The following NOTCH2NLB variants were observed in gnomAD, a reference collection of about 807,000 sequenced individuals.
NOTCH2NLB encodes notch homolog 2 N-terminal-like protein B.
NOTCH2NLB carries 1 observed loss-of-function variant against 14.8 expected under a neutral mutation model. That is an observed-to-expected ratio of 0.07 (90% confidence interval 0.02 to 0.32). The LOEUF (loss-of-function observed/expected upper bound fraction) is 0.32, where lower values mean the gene tolerates loss of function less well. Ranked by LOEUF, NOTCH2NLB falls within the 10% of genes least tolerant of loss-of-function variation. NOTCH2NLB has a pLI of 1.00. For missense variants in NOTCH2NLB, 11 were observed against 155.0 expected (o/e 0.07, Z 4.93); for synonymous variants, 6 against 57.5 (o/e 0.10, Z 4.05).
intron 2 of NOTCH2NLB, among the ~76,000 whole-genome samples, chr1:148,638,037 G>T (rs1176385546): frequency 6.7e-6 from 1 of 148,206 alleles, no homozygotes; most frequent in African/African-American, 2.5e-5. Context: ...ACTGTAAATA[G>T]TGCTGAAGTA....
chr1:148,685,480 CTAAGTA>C, the NOTCH2NLB span, among the ~76,000 whole-genome samples: 29 of 149,338 alleles, frequency 1.9e-4, no homozygotes, highest in African/African-American at 5.9e-4. Context: ...AAATGGTTAA[CTAAGTA>C]TGAGAGAGGG....
Position 148,636,893 on chromosome 1 carries a change from A to C in NOTCH2NLB, c.77+3123T>G, listed in dbSNP as rs1168681894. On this transcript the variant is annotated intron_variant, in intron 2 of 4. Coordinates refer to ENST00000593495, the Ensembl canonical transcript of NOTCH2NLB. ...TCTCTTTATACAAGTTTTGTTGTTCATCTTGATCTCCCAAAAGGATGGCCT... is the reference window on the plus strand; with the variant it reads ...TCTCTTTATACAAGTTTTGTTGTTCCTCTTGATCTCCCAAAAGGATGGCCT... 6.2e-5 allele frequency among the ~76,000 whole-genome samples: 9 copies of C among 145,488 alleles called. 2 individuals carry two copies. Among genetic ancestry groups the C allele is most frequent in the Non-Finnish European group, 1.4e-4 (9 of 66,456 alleles).
At chr1:148,658,536 C>G (rs1442678921) in intron 1 of NOTCH2NLB, among the ~76,000 whole-genome samples, 1 of 95,832 alleles carries the variant, frequency 1.0e-5, no homozygotes, top group African/African-American at 4.0e-5. Flanking sequence ...TGCAATTAGA[C>G]AGGCCCAATA....
chr1:148,679,625 C>T, exon 1 of NOTCH2NLB: 1 of 1,049,258 alleles, frequency 9.5e-7, no homozygotes, highest in African/African-American at 1.8e-5. Flanking sequence ...TCCTCCCCTC[C>T]TCCTGCTTCA....
At chr1:148,604,615 AGCAATGGAATGAAGG>A (rs1252904839), downstream of NOTCH2NLB, among the ~76,000 whole-genome samples, 5 of 126,514 alleles carry the variant, frequency 4.0e-5, no homozygotes, top group South Asian at 1.3e-3. Flanking sequence ...AAGCATGGGA[AGCAATGGAATGAAGG>A]GCAATGGAAG....
chr1:148,637,297 G>T (rs1427701220), intron 2 of NOTCH2NLB, among the ~76,000 whole-genome samples: 1 of 138,684 alleles, frequency 7.2e-6, no homozygotes, highest in Non-Finnish European at 1.6e-5. Flanking sequence ...CTCCAACCTT[G>T]GTTGGAGAGT....
the NOTCH2NLB span, among the ~76,000 whole-genome samples, chr1:148,693,092 C>G: frequency 4.6e-5 from 5 of 108,386 alleles, no homozygotes; most frequent in African/African-American, 2.4e-4. Flanking sequence ...AGAGCCGCCC[C>G]CCCCCCCCCA....
At chr1:148,659,286 T>C in intron 1 of NOTCH2NLB, among the ~76,000 whole-genome samples, 1 of 23,064 alleles carries the variant, frequency 4.3e-5, no homozygotes, top group African/African-American at 1.7e-4. Flanking sequence ...TAGGTACATA[T>C]ATTTGTTGAA....
rs1257134074 is a variant in NOTCH2NLB at position 148,610,388 on chromosome 1, A to G, written c.338-2643T>C. Among the ~76,000 whole-genome samples the G allele has an allele frequency of 3.0e-3, 383 of 129,448 alleles. 22 individuals are homozygous for G. Among genetic ancestry groups the G allele is most frequent in the African/African-American group, 0.011 (327 of 30,810 alleles). 84.9% of individuals were successfully genotyped at this position (129,448 alleles called of 152,430 possible). A position where few individuals can be genotyped will look rare whatever the true frequency, so the allele number is the denominator to read the frequency against. On this transcript the variant is annotated intron_variant, in intron 3 of 4. Transcript: ENST00000593495. ...AAGAAAGAAAGAGAAAGAAAGAAAG[A>G]AAGAAAGGGAGAAAGAAAGAAAGAA...
At chr1:148,622,241 G>A (rs1663896192) in intron 2 of NOTCH2NLB, among the ~76,000 whole-genome samples, 1 of 100,692 alleles carries the variant, frequency 9.9e-6, no homozygotes, top group Non-Finnish European at 1.9e-5. Flanking sequence ...GTGGTGGCGG[G>A]CGCCTGTAGT....
At chr1:148,604,990 C>T (rs1343884304), downstream of NOTCH2NLB, among the ~76,000 whole-genome samples, 14,770 of 85,880 alleles carry the variant, frequency 0.17, 104 homozygotes, top group Middle Eastern at 0.24. Flanking sequence ...CACACACACA[C>T]ATTGATATGT....
intron 1 of NOTCH2NLB, among the ~76,000 whole-genome samples, chr1:148,670,577 T>G (rs1425794611): frequency 9.7e-5 from 13 of 133,890 alleles, no homozygotes; most frequent in Non-Finnish European, 1.5e-4. Flanking sequence ...TATATATATA[T>G]AAATAAATCA....
intron 2 of NOTCH2NLB, among the ~76,000 whole-genome samples, chr1:148,638,059 G>T (rs1243317240): frequency 6.7e-6 from 1 of 148,808 alleles, no homozygotes; most frequent in African/African-American, 2.5e-5. Flanking sequence ...ACACACATGT[G>T]CATGTGTCCT....
At position 148,660,487 on chromosome 1, in the gene NOTCH2NLB, A is replaced by T. The variant is rs1190953498; in HGVS notation, c.3+18975T>A. 5.3e-3 allele frequency among the ~76,000 whole-genome samples: 780 copies of T among 147,510 alleles called. 38 individuals are homozygous for T. Among genetic ancestry groups the T allele is most frequent in the African/African-American group, 0.018 (734 of 40,476 alleles). ...GATCCAGTTATATACCAAAGAGCAG[A>T]TAGAAGACCTGGCTATGGAGTCATG... On this transcript the variant is annotated intron_variant, in intron 1 of 4. Coordinates refer to ENST00000593495, the Ensembl canonical transcript of NOTCH2NLB.
At chr1:148,693,097 C>T in the NOTCH2NLB span, among the ~76,000 whole-genome samples, 8 of 115,698 alleles carry the variant, frequency 6.9e-5, no homozygotes, top group East Asian at 1.3e-3. Flanking sequence ...CGCCCCCCCC[C>T]CCCCACCATC....
At chr1:148,651,162 A>ATATATATACATATATATATATATATATAT (rs1325402394) in intron 1 of NOTCH2NLB, among the ~76,000 whole-genome samples, 2 of 46,028 alleles carry the variant, frequency 4.3e-5, no homozygotes, top group East Asian at 1.8e-3. Context: ...AAAAAAAAAA[A>ATATATATACATATATATATATATATATAT]ATATATATAT....
intron 2 of NOTCH2NLB, among the ~76,000 whole-genome samples, chr1:148,639,458 TA>T (rs1664295481): frequency 1.7e-5 from 1 of 58,322 alleles, no homozygotes; most frequent in Non-Finnish European, 2.8e-5. Flanking sequence ...TACATTTTTT[TA>T]TTTTTTTTTA....
intron 1 of NOTCH2NLB, among the ~76,000 whole-genome samples, chr1:148,670,519 G>T: frequency 1.0e-5 from 1 of 97,224 alleles, no homozygotes; most frequent in African/African-American, 4.0e-5. Flanking sequence ...ATGTAGATCT[G>T]TTCATAAACT....
At chr1:148,650,867 C>T (rs1233971262) in intron 1 of NOTCH2NLB, among the ~76,000 whole-genome samples, 6 of 121,932 alleles carry the variant, frequency 4.9e-5, no homozygotes, top group Non-Finnish European at 8.6e-5. Context: ...CGGCCAGGCG[C>T]GGTGGCTCAT....
Sources: allele counts gnomAD v4.1 joint callset (sites outside exome capture counted in the v4.1 genomes callset), GRCh38; gene constraint gnomAD v4.1.1; transcripts MANE v1.5; gene names NCBI Gene and HGNC (gene_info 2026-07-23, HGNC 2026-07-21).